The following TULP3 variants were observed in gnomAD, a reference collection of about 807,000 sequenced individuals.
TULP3 encodes TUB like protein 3.
In TULP3, 38 loss-of-function variants were observed where a neutral mutation model predicts 50.7. The ratio of observed to expected loss-of-function variants is 0.75; its 90% confidence interval spans 0.58 to 0.98. TULP3 has a LOEUF of 0.98. Among genes scored for constraint, TULP3 ranks in the 50% least tolerant of loss-of-function variants. The pLI, the probability that TULP3 is intolerant of heterozygous loss-of-function variation, is 0.00. For synonymous variants in TULP3, 183 were observed against 196.6 expected (o/e 0.93, Z 0.58); for missense variants, 550 against 568.0 (o/e 0.97, Z 0.32).
At chr12:2,895,276 C>G (rs1379212708) in intron 1 of TULP3, among the ~76,000 whole-genome samples, 2 of 152,174 alleles carry the variant, frequency 1.3e-5, no homozygotes, top group African/African-American at 4.8e-5. Flanking sequence ...TCTCCCTGCT[C>G]TGATTGTGTC....
chr12:2,897,578 C>G (rs2098176262), intron 1 of TULP3, among the ~76,000 whole-genome samples: 1 of 151,876 alleles, frequency 6.6e-6, no homozygotes, highest in African/African-American at 2.4e-5. Context: ...CAAGACCAGC[C>G]TGGGCAACAT....
chr12:2,906,208 T>C (rs1370666658), intron 1 of TULP3, among the ~76,000 whole-genome samples: 3 of 150,442 alleles, frequency 2.0e-5, no homozygotes, highest in African/African-American at 7.3e-5. Flanking sequence ...TTTTTTGTAT[T>C]TTTAGTACAG....
chr12:2,920,682 G>GA, intron 2 of TULP3, 81 bp from the exon 3 acceptor site: 1 of 1,540,654 alleles, frequency 6.5e-7, no homozygotes, highest in Non-Finnish European at 8.8e-7. Flanking sequence ...GAGGATCAGT[G>GA]AAAAACAAAC....
chr12:2,898,972 C>G (rs192933783), intron 1 of TULP3, among the ~76,000 whole-genome samples: 4 of 152,220 alleles, frequency 2.6e-5, no homozygotes, highest in Admixed American at 2.6e-4. Context: ...AGTCACTGCA[C>G]CTGGTTGGAA....
chr12:2,931,293 G>A (rs2098197921), intron 6 of TULP3, 53 bp downstream of exon 6: 5 of 1,574,950 alleles, frequency 3.2e-6, no homozygotes, highest in Non-Finnish European at 4.3e-6. Flanking sequence ...AATGTTGTGG[G>A]AATAGATTGT....
chr12:2,937,690 G>T lies in TULP3; in HGVS notation c.984G>T (p.Met328Ile). 1 of 1,613,108 alleles carries T rather than the reference G, an allele frequency of 6.2e-7. No homozygotes were observed. Among genetic ancestry groups the T allele is most frequent in the South Asian group, 1.1e-5 (1 of 90,844 alleles). Residue 328 changes from methionine (M) to isoleucine (I), a missense_variant, in exon 9 of 11, where the codon ATG (methionine) becomes ATT (isoleucine). Coordinates refer to ENST00000448120, the MANE Select transcript of TULP3 (RefSeq NM_003324.5). ...PRKMSVIIPG[M>I]TLNHKQIPYQ... ...AAATGTCTGTGATCATTCCTGGAAT[G>T]ACACTGAATCATAAGCAGATCCCCT...
At chr12:2,898,054 G>A (rs964405654) in intron 1 of TULP3, among the ~76,000 whole-genome samples, 3 of 128,116 alleles carry the variant, frequency 2.3e-5, no homozygotes, top group Non-Finnish European at 4.7e-5. Context: ...CTCCAGCCTG[G>A]GCAACAAGAG....
chr12:2,894,576 CA>C (rs1177993135), intron 1 of TULP3, among the ~76,000 whole-genome samples: 1 of 148,342 alleles, frequency 6.7e-6, no homozygotes, highest in Non-Finnish European at 1.5e-5. Flanking sequence ...CGCACGCACA[CA>C]AAAAAGAGAT....
At chr12:2,922,552 A>G in intron 4 of TULP3, 150 bp downstream of exon 4, 2 of 932,498 alleles carry the variant, frequency 2.1e-6, no homozygotes, top group Non-Finnish European at 3.1e-6. Context: ...CATCTTTTAC[A>G]TCTGAATGTT....
At chr12:2,897,365 C>T (rs929093561) in intron 1 of TULP3, among the ~76,000 whole-genome samples, 3 of 152,004 alleles carry the variant, frequency 2.0e-5, no homozygotes, top group East Asian at 1.9e-4. Flanking sequence ...TTCCAACATT[C>T]GAAAGCTTTT....
In TULP3 at chr12:2,920,858, G is replaced by A. The variant is rs2098191273; in HGVS notation, c.189G>A (p.Arg63=). 6.2e-7 allele frequency: 1 copy of A among 1,613,998 alleles called. No homozygotes were observed. The highest frequency in any genetic ancestry group is 1.7e-5 in the Admixed American group (1 of 59,984). ...CCAGGCTACGTCGGGCAAAGCCAAG[G>A]GCCAGTGATGAGCAGACTCCCTTGG... ...PEARLRRAKP[R]ASDEQTPLVN... Residue 63 remains arginine, a synonymous_variant, in exon 3 of 11, where the codon AGG becomes AGA. Transcript: ENST00000448120.
chr12:2,903,552 G>C (rs1257733641), intron 1 of TULP3, among the ~76,000 whole-genome samples: 2 of 136,866 alleles, frequency 1.5e-5, no homozygotes, highest in Non-Finnish European at 3.1e-5. Flanking sequence ...ACAAGCGCGA[G>C]ACTCTATCTC....
At chr12:2,925,462 T>C (rs1804641405) in intron 4 of TULP3, among the ~76,000 whole-genome samples, 1 of 152,150 alleles carries the variant, frequency 6.6e-6, no homozygotes, top group African/African-American at 2.4e-5. Flanking sequence ...GTGATTCCGC[T>C]GAACAAAGAA....
intron 2 of TULP3, among the ~76,000 whole-genome samples, chr12:2,910,088 C>G (rs371201239): frequency 6.0e-4 from 91 of 152,260 alleles, no homozygotes; most frequent in Middle Eastern, 6.8e-3. Context: ...GTCAGGAGAT[C>G]GAGACCATCC....
At chr12:2,895,324 C>T (rs770276279) in intron 1 of TULP3, among the ~76,000 whole-genome samples, 1 of 152,138 alleles carries the variant, frequency 6.6e-6, no homozygotes, top group Non-Finnish European at 1.5e-5. Flanking sequence ...GATGTTCATT[C>T]CCTGGCTTCA....
Position 2,890,991 on chromosome 12 carries a change from C to T in TULP3, c.41+3C>T, listed in dbSNP as rs1439294903. 6.3e-7 allele frequency: 1 copy of T among 1,587,892 alleles called. No homozygotes were observed. The highest frequency in any genetic ancestry group is 1.1e-5 in the South Asian group (1 of 87,482). On this transcript the variant is annotated splice_donor_region_variant and intron_variant, in intron 1 of 10. Transcript: ENST00000448120. ...CGGCTCAGTCCCAGCGGCGACAGGT[C>T]AGACAGGGCCGTGGCAGGTCTCCTC...
Position 2,938,174 on chromosome 12 carries a change from CACA to C in TULP3, c.1089_1091del (p.Asn363del), listed in dbSNP as rs1319683252. The C allele has an allele frequency of 1.2e-6, 2 of 1,614,198 alleles. No homozygotes were observed. The highest frequency in any genetic ancestry group is 3.3e-5 in the Admixed American group (2 of 60,020). ...AACTATGGAAAATCTGGTTGAGCTG[CACA>C]ACAAGGCCCCCGTCTGGAACAGTGA... On this transcript the variant is annotated inframe_deletion, in exon 10 of 11. Coordinates refer to ENST00000448120, the MANE Select transcript of TULP3 (RefSeq NM_003324.5).
At chr12:2,936,057 A>T (rs940531359) in intron 8 of TULP3, among the ~76,000 whole-genome samples, 6 of 151,844 alleles carry the variant, frequency 4.0e-5, no homozygotes, top group Non-Finnish European at 7.4e-5. Context: ...ACCTGAAGTC[A>T]GGAGGTGGAG....
chr12:2,937,543 C>A, intron 8 of TULP3, 88 bp from the exon 9 acceptor site: 1 of 949,968 alleles, frequency 1.1e-6, no homozygotes, highest in Non-Finnish European at 1.7e-6. Context: ...CAGCATCTTA[C>A]ATTCCCAAGA....
Sources: allele counts gnomAD v4.1 joint callset (sites outside exome capture counted in the v4.1 genomes callset), GRCh38; gene constraint gnomAD v4.1.1; transcripts MANE v1.5; gene names NCBI Gene and HGNC (gene_info 2026-07-23, HGNC 2026-07-21).